The following ATP8A2 variants were observed in gnomAD, a reference collection of about 807,000 sequenced individuals.
ATP8A2 encodes the protein phospholipid-transporting ATPase IB.
A neutral mutation model predicts 165.6 loss-of-function variants in ATP8A2; 100 were observed. The observed-to-expected ratio is 0.60, with a 90% confidence interval of 0.51 to 0.71. The LOEUF is 0.71. Ranked by LOEUF, ATP8A2 falls within the 30% of genes least tolerant of loss-of-function variation. ATP8A2 has a pLI of 0.00. For synonymous variants in ATP8A2, 543 were observed against 548.8 expected (o/e 0.99, Z 0.15); for missense variants, 1,227 against 1,479.5 (o/e 0.83, Z 2.80).
At chr13:26,003,983 A>G (rs1956688635) in intron 35 of ATP8A2, among the ~76,000 whole-genome samples, 1 of 152,052 alleles carries the variant, frequency 6.6e-6, no homozygotes, top group South Asian at 2.1e-4. Context: ...AGTGCTCAAG[A>G]TTGTTTTGGC....
At chr13:25,514,754 G>T (rs1334624264) in intron 2 of ATP8A2, among the ~76,000 whole-genome samples, 8 of 152,092 alleles carry the variant, frequency 5.3e-5, no homozygotes, top group Admixed American at 3.9e-4. Flanking sequence ...TGCTTTCTAT[G>T]CTTGCCACAG....
intron 10 of ATP8A2, among the ~76,000 whole-genome samples, chr13:25,546,179 C>T (rs1486163545): frequency 6.6e-6 from 1 of 151,990 alleles, no homozygotes; most frequent in African/African-American, 2.4e-5. Flanking sequence ...TCTTTTAAAA[C>T]GCTCCAGTCT....
At chr13:25,968,829 C>T in intron 35 of ATP8A2, 150 bp downstream of exon 35, 1 of 644,598 alleles carries the variant, frequency 1.6e-6, no homozygotes, top group East Asian at 2.8e-5. Context: ...AGATTTAAAT[C>T]ACACTCTCAG....
chr13:25,375,466 A>G (rs2032585862), intron 1 of ATP8A2, among the ~76,000 whole-genome samples: 3 of 152,228 alleles, frequency 2.0e-5, no homozygotes, highest in African/African-American at 4.8e-5. Flanking sequence ...GGACGACAGC[A>G]TCAGTGCTGT....
intron 26 of ATP8A2, among the ~76,000 whole-genome samples, chr13:25,773,427 G>A (rs377639960): frequency 2.6e-5 from 4 of 152,086 alleles, no homozygotes; most frequent in African/African-American, 9.7e-5. Flanking sequence ...TTTATGAAAC[G>A]GCACACAGAA....
intron 2 of ATP8A2, among the ~76,000 whole-genome samples, chr13:25,489,788 ATGTAT>A (rs143381892): frequency 1.3e-3 from 197 of 152,314 alleles, no homozygotes; most frequent in African/African-American, 4.6e-3. Flanking sequence ...TCGGAAATTG[ATGTAT>A]TGTGTAGTGT....
At chr13:25,814,121 A>ACACACACT (rs1202052360) in intron 27 of ATP8A2, among the ~76,000 whole-genome samples, 1 of 150,682 alleles carries the variant, frequency 6.6e-6, no homozygotes, top group Non-Finnish European at 1.5e-5. Flanking sequence ...ACACACACAC[A>ACACACACT]CTCATTAAGT....
intron 2 of ATP8A2, among the ~76,000 whole-genome samples, chr13:25,480,804 T>C (rs3981904): frequency 0.98 from 143,581 of 146,886 alleles, 70,197 homozygotes; most frequent in East Asian, 0.99. Flanking sequence ...CCAAGGCAGG[T>C]GGCTGGGAGG....
chr13:25,540,494 A>T, intron 8 of ATP8A2, 106 bp downstream of exon 8: 2 of 829,864 alleles, frequency 2.4e-6, no homozygotes, highest in Admixed American at 2.0e-5. Context: ...ACAAAGGGTT[A>T]TGCCTTAGCC....
intron 1 of ATP8A2, among the ~76,000 whole-genome samples, chr13:25,377,719 G>T (rs1424032779): frequency 2.0e-5 from 3 of 152,208 alleles, no homozygotes; most frequent in Non-Finnish European, 4.4e-5. Context: ...TTGAGTCTGT[G>T]AGGTGGAGGT....
Position 25,618,880 on chromosome 13 carries a change from T to A in ATP8A2, c.2211+29181T>A, listed in dbSNP as rs139949170. 4.4e-3 allele frequency among the ~76,000 whole-genome samples: 665 copies of A among 152,250 alleles called. 8 individuals carry two copies. Among genetic ancestry groups the A allele is most frequent in the African/African-American group, 0.015 (614 of 41,554 alleles). ...GTGGAAAAGGGCTTGCTCAATCCGC[T>A]TCTTAGCATTGAAATGAAAGAACTC... is the stretch of plus-strand genomic sequence containing the variant. On this transcript the variant is annotated intron_variant, in intron 24 of 36. Transcript: ENST00000381655.
chr13:25,912,723 T>C (rs187356715), intron 33 of ATP8A2, among the ~76,000 whole-genome samples: 1 of 152,286 alleles, frequency 6.6e-6, no homozygotes, highest in Non-Finnish European at 1.5e-5. Flanking sequence ...TATGGTATAG[T>C]ATGCACTACA....
chr13:25,448,032 AC>A (rs2035115554), intron 1 of ATP8A2, among the ~76,000 whole-genome samples: 1 of 152,234 alleles, frequency 6.6e-6, no homozygotes, highest in Non-Finnish European at 1.5e-5. Flanking sequence ...CTTTATGGGC[AC>A]AGGATGGGGT....
intron 35 of ATP8A2, among the ~76,000 whole-genome samples, chr13:25,982,417 G>T (rs76251104): frequency 0.074 from 11,324 of 152,240 alleles, 1,314 homozygotes; most frequent in African/African-American, 0.25. Context: ...ACCGGGGCTG[G>T]GTGGGGCACA....
chr13:25,531,917 T>C (rs919489619), intron 4 of ATP8A2, among the ~76,000 whole-genome samples: 10 of 152,204 alleles, frequency 6.6e-5, no homozygotes, highest in African/African-American at 2.4e-4. Flanking sequence ...AGATAAGGGA[T>C]CTTCAACCTG....
intron 28 of ATP8A2, among the ~76,000 whole-genome samples, chr13:25,831,928 C>A (rs931414178): frequency 6.6e-6 from 1 of 151,810 alleles, no homozygotes; most frequent in African/African-American, 2.4e-5. Context: ...TATCCATAGT[C>A]AATTTCTTTA....
chr13:25,823,169 T>C (rs1269436321), intron 27 of ATP8A2, among the ~76,000 whole-genome samples: 1 of 152,220 alleles, frequency 6.6e-6, no homozygotes, highest in Non-Finnish European at 1.5e-5. Context: ...GCTTTGTAAA[T>C]CCAAGCTAAG....
intron 24 of ATP8A2, among the ~76,000 whole-genome samples, chr13:25,686,740 G>A (rs1029515439): frequency 7.2e-5 from 11 of 152,162 alleles, no homozygotes; most frequent in Non-Finnish European, 1.3e-4. Flanking sequence ...GTGCACTGAA[G>A]TACAAACTGG....
At chr13:25,828,058 T>G (rs1479439326) in intron 27 of ATP8A2, 60 bp from the exon 28 acceptor site, 2 of 1,371,968 alleles carry the variant, frequency 1.5e-6, no homozygotes, top group Non-Finnish European at 2.1e-6. Context: ...ACTTCTTCAG[T>G]GAATGGAAAC....
Sources: allele counts gnomAD v4.1 joint callset (sites outside exome capture counted in the v4.1 genomes callset), GRCh38; gene constraint gnomAD v4.1.1; transcripts MANE v1.5; gene names NCBI Gene and HGNC (gene_info 2026-07-23, HGNC 2026-07-21).